Variants in MALRD1 observed in about 807,000 individuals in gnomAD.
MALRD1 encodes MAM and LDL-receptor class A domain-containing protein 1.
A neutral mutation model predicts 242.1 loss-of-function variants in MALRD1; 247 were observed. That is an observed-to-expected ratio of 1.02 (90% CI 0.92 to 1.13). MALRD1 has a LOEUF of 1.13. MALRD1 is among the 50% of genes most tolerant of loss of function. The pLI, the probability that MALRD1 is intolerant of heterozygous loss-of-function variation, is 0.00. For synonymous variants in MALRD1, 995 were observed against 866.6 expected (o/e 1.15, Z -2.60); for missense variants, 2,989 against 2,533.1 (o/e 1.18, Z -3.86).
intron 10 of MALRD1, among the ~76,000 whole-genome samples, chr10:19,145,415 G>C (rs1172045139): frequency 6.6e-6 from 1 of 152,132 alleles, no homozygotes; most frequent in Non-Finnish European, 1.5e-5. Context: ...AGGCCAAAAT[G>C]AGCAGATCAT....
intron 18 of MALRD1, among the ~76,000 whole-genome samples, chr10:19,230,671 G>A (rs1273670155): frequency 6.6e-6 from 1 of 152,110 alleles, no homozygotes; most frequent in East Asian, 1.9e-4. Context: ...ACAATGCTTA[G>A]GATCTTTAGC....
At chr10:19,412,876 A>G (rs1339297959) in intron 28 of MALRD1, among the ~76,000 whole-genome samples, 1 of 152,184 alleles carries the variant, frequency 6.6e-6, no homozygotes, top group Non-Finnish European at 1.5e-5. Context: ...TAGTAATGTT[A>G]AGTGTAGACA....
chr10:19,222,592 C>G (rs1837606461), intron 18 of MALRD1, among the ~76,000 whole-genome samples: 1 of 152,144 alleles, frequency 6.6e-6, no homozygotes, highest in African/African-American at 2.4e-5. Context: ...TCATCTTCAT[C>G]AGACAGTATC....
chr10:19,110,436 A>T (rs150857366), intron 5 of MALRD1, among the ~76,000 whole-genome samples: 10 of 152,190 alleles, frequency 6.6e-5, no homozygotes, highest in African/African-American at 1.7e-4. Context: ...TTAAAAGTAT[A>T]TCAATTGAAA....
At position 19,219,338 on chromosome 10, in the gene MALRD1, G is replaced by T. The variant is rs536213918; in HGVS notation, c.2991+9658G>T. On this transcript the variant is annotated intron_variant, in intron 18 of 39. Transcript: ENST00000454679. ...AATATACCATATTAAATTATTAAAT[G>T]GTAAATTTGTCTTAAATCCTCTAGA... 9.2e-5 allele frequency among the ~76,000 whole-genome samples: 14 copies of T among 152,050 alleles called. No homozygotes were observed. In the East Asian group the frequency reaches 1.9e-3, roughly 21 times the overall value.
chr10:19,164,234 G>A (rs969205992), intron 12 of MALRD1, among the ~76,000 whole-genome samples: 1 of 152,146 alleles, frequency 6.6e-6, no homozygotes, highest in Non-Finnish European at 1.5e-5. Context: ...TGATAAAAAT[G>A]TGTACCAAAT....
intron 3 of MALRD1, 26 bp downstream of exon 3, chr10:19,087,960 A>C (rs537527891): frequency 4.8e-5 from 59 of 1,232,578 alleles, no homozygotes; most frequent in Middle Eastern, 2.1e-4. Context: ...CAGCATTTTA[A>C]ATATTTTGTC....
intron 28 of MALRD1, among the ~76,000 whole-genome samples, chr10:19,401,830 TATTTA>T (rs914026793): frequency 6.9e-4 from 41 of 59,242 alleles, no homozygotes; most frequent in Admixed American, 3.3e-3. Context: ...AAAAGAGAGT[TATTTA>T]ATCAAAACAA....
At chr10:19,125,356 T>TCTTC (rs1837242438) in intron 7 of MALRD1, among the ~76,000 whole-genome samples, 1 of 113,696 alleles carries the variant, frequency 8.8e-6, no homozygotes, top group Admixed American at 9.2e-5. Context: ...TTTCTTTCTT[T>TCTTC]CTTTCTTTCT....
intron 17 of MALRD1, among the ~76,000 whole-genome samples, chr10:19,207,885 AC>A (rs1170073981): frequency 6.6e-6 from 1 of 152,178 alleles, no homozygotes; most frequent in East Asian, 1.9e-4. Context: ...ATATGCCTGC[AC>A]CGTAACTCTT....
upstream of MALRD1, among the ~76,000 whole-genome samples, chr10:19,048,418 A>G (rs1306971217): frequency 6.6e-6 from 1 of 152,244 alleles, no homozygotes; most frequent in African/African-American, 2.4e-5. Context: ...CTATTTCATA[A>G]TAATGGAAAA....
At chr10:19,549,116 G>A (rs1589228191) in intron 32 of MALRD1, among the ~76,000 whole-genome samples, 1 of 152,190 alleles carries the variant, frequency 6.6e-6, no homozygotes, top group Non-Finnish European at 1.5e-5. Context: ...CTAATCCAGA[G>A]CAAGACCCAA....
At chr10:19,683,012 G>T (rs763420474) in intron 36 of MALRD1, among the ~76,000 whole-genome samples, 11 of 152,154 alleles carry the variant, frequency 7.2e-5, no homozygotes, top group Admixed American at 2.6e-4. Flanking sequence ...AATGGGTTGA[G>T]GCTGGGCACA....
At chr10:19,085,449 T>C (rs1045679180) in intron 2 of MALRD1, among the ~76,000 whole-genome samples, 8 of 151,958 alleles carry the variant, frequency 5.3e-5, no homozygotes, top group Non-Finnish European at 1.2e-4. Flanking sequence ...AGAAAACAGA[T>C]ATTGCCACTG....
rs907309840 is a variant in MALRD1, at chr10:19,121,553, A to G, written c.695-1939A>G. Among the ~76,000 whole-genome samples, 7 of 152,282 alleles carry G rather than the reference A, an allele frequency of 4.6e-5. No individual in the cohort carries two copies. In the South Asian group the frequency reaches 8.3e-4, roughly 18 times the overall value. On this transcript the variant is annotated intron_variant, in intron 5 of 39. Coordinates refer to ENST00000454679, the MANE Select transcript of MALRD1 (RefSeq NM_001142308.3). ...GAGAATGTTTTTCTAAGATGGATGA[A>G]GTTTTGGCCATTTAGGTCCTGAAGG... is the stretch of plus-strand genomic sequence containing the variant.
At chr10:19,536,682 A>T (rs2131365086) in intron 32 of MALRD1, among the ~76,000 whole-genome samples, 1 of 152,248 alleles carries the variant, frequency 6.6e-6, no homozygotes, top group East Asian at 1.9e-4. Context: ...ACCTTACAAA[A>T]TAATAAAAAA....
At chr10:19,370,696 A>C (rs181218764) in intron 26 of MALRD1, among the ~76,000 whole-genome samples, 98 of 151,386 alleles carry the variant, frequency 6.5e-4, no homozygotes, top group African/African-American at 2.1e-3. Context: ...TTGTGTCTCA[A>C]CCTCCTGGGT....
At chr10:19,216,557 T>C (rs541947298) in intron 18 of MALRD1, among the ~76,000 whole-genome samples, 4 of 152,304 alleles carry the variant, frequency 2.6e-5, no homozygotes, top group Middle Eastern at 3.4e-3. Context: ...GATGTTATCA[T>C]AGTGTGTTAT....
At chr10:19,118,761 A>C (rs2131370649) in intron 5 of MALRD1, among the ~76,000 whole-genome samples, 1 of 152,294 alleles carries the variant, frequency 6.6e-6, no homozygotes, top group East Asian at 1.9e-4. Flanking sequence ...AGATGAGAGG[A>C]GGAGTCCATT....
Sources: allele counts gnomAD v4.1 joint callset (sites outside exome capture counted in the v4.1 genomes callset), GRCh38; gene constraint gnomAD v4.1.1; transcripts MANE v1.5; gene names NCBI Gene and HGNC (gene_info 2026-07-23, HGNC 2026-07-21).